Variants in ITPR2 observed in about 807,000 individuals in gnomAD.
The protein encoded by ITPR2 is inositol 1,4,5-trisphosphate receptor type 2, also known as inositol 1,4,5-trisphosphate-gated calcium channel ITPR2.
Under a neutral mutation model 317.1 loss-of-function variants are expected in ITPR2, and 207 were observed. The ratio of observed to expected loss-of-function variants is 0.65; its 90% CI spans 0.58 to 0.73. The LOEUF (loss-of-function observed/expected upper bound fraction) is 0.73, where lower values mean the gene tolerates loss of function less well. ITPR2 is among the 30% of genes least tolerant of loss of function. The pLI, the probability that ITPR2 is intolerant of heterozygous loss-of-function variation, is 0.00. For synonymous variants in ITPR2, 1,156 were observed against 1,149.1 expected (o/e 1.01, Z -0.12); for missense variants, 2,613 against 3,284.0 (o/e 0.80, Z 4.99).
intron 55 of ITPR2, among the ~76,000 whole-genome samples, chr12:26,347,805 G>A (rs1994484): frequency 0.3 from 45,611 of 152,146 alleles, 7,848 homozygotes; most frequent in East Asian, 0.58. Context: ...ATGGTATCAC[G>A]GATGCAAGTG....
chr12:26,570,721 G>A (rs1169987851), intron 34 of ITPR2, among the ~76,000 whole-genome samples: 1 of 152,104 alleles, frequency 6.6e-6, no homozygotes, highest in Non-Finnish European at 1.5e-5. Flanking sequence ...TTTTTTAAGA[G>A]GAATAATATG....
At chr12:26,734,870 C>T (rs1454764715) in intron 2 of ITPR2, among the ~76,000 whole-genome samples, 1 of 152,072 alleles carries the variant, frequency 6.6e-6, no homozygotes, top group Non-Finnish European at 1.5e-5. Context: ...TATTTATACT[C>T]CAATAAGACT....
intron 2 of ITPR2, among the ~76,000 whole-genome samples, chr12:26,784,703 T>C (rs1236914261): frequency 1.3e-4 from 19 of 151,078 alleles, no homozygotes; most frequent in Non-Finnish European, 4.4e-5. Context: ...AGCCTCCACC[T>C]CCCAACCGCC....
intron 25 of ITPR2, 113 bp downstream of exon 25, chr12:26,622,127 C>T (rs1361198704): frequency 3.4e-6 from 3 of 872,026 alleles, no homozygotes; most frequent in Non-Finnish European, 5.0e-6. Flanking sequence ...TAGAAAGTGT[C>T]TCCAGGAAAA....
intron 37 of ITPR2, among the ~76,000 whole-genome samples, chr12:26,549,250 T>C (rs1944464541): frequency 1.3e-5 from 2 of 152,214 alleles, no homozygotes; most frequent in African/African-American, 4.8e-5. Context: ...GTTTTCCAAA[T>C]ATAATTTAAG....
chr12:26,559,511 A>T (rs1010072331), intron 35 of ITPR2, among the ~76,000 whole-genome samples: 24 of 152,152 alleles, frequency 1.6e-4, no homozygotes, highest in South Asian at 2.1e-4. Flanking sequence ...GGCCTATTTT[A>T]TAGGGACTCT....
At chr12:26,753,983 T>A (rs1267671982) in intron 2 of ITPR2, among the ~76,000 whole-genome samples, 1 of 152,204 alleles carries the variant, frequency 6.6e-6, no homozygotes, top group African/African-American at 2.4e-5. Flanking sequence ...GATAAGTCCT[T>A]TATCTTCTTC....
intron 32 of ITPR2, among the ~76,000 whole-genome samples, chr12:26,582,835 C>T (rs1945436320): frequency 6.6e-6 from 1 of 152,158 alleles, no homozygotes; most frequent in Admixed American, 6.6e-5. Context: ...CACCAAATAG[C>T]TTTTGCTTTG....
At chr12:26,630,845 G>A (rs182896284) in intron 22 of ITPR2, 1 of 152,196 alleles carries the variant, frequency 6.6e-6, no homozygotes, top group Admixed American at 6.5e-5. Flanking sequence ...TAGGTCCATG[G>A]GTCAGGTGAT....
At chr12:26,729,513 C>A (rs948109841) in intron 2 of ITPR2, among the ~76,000 whole-genome samples, 1 of 152,076 alleles carries the variant, frequency 6.6e-6, no homozygotes, top group Non-Finnish European at 1.5e-5. Flanking sequence ...CATACATTCA[C>A]TGCAGCACCA....
chr12:26,714,254 C>A (rs1344553883), intron 8 of ITPR2, among the ~76,000 whole-genome samples: 3 of 152,116 alleles, frequency 2.0e-5, no homozygotes, highest in Non-Finnish European at 4.4e-5. Flanking sequence ...GGTTATCTCT[C>A]CGTTTTTCAG....
chr12:26,824,609 G>A (rs141694986), intron 1 of ITPR2, among the ~76,000 whole-genome samples: 171 of 152,188 alleles, frequency 1.1e-3, no homozygotes, highest in African/African-American at 3.3e-3. Flanking sequence ...ACAGTAATAA[G>A]AAATTGAAGA....
At chr12:26,822,448 G>A (rs189054646) in intron 1 of ITPR2, among the ~76,000 whole-genome samples, 63 of 152,216 alleles carry the variant, frequency 4.1e-4, no homozygotes, top group Non-Finnish European at 7.1e-4. Flanking sequence ...TGGGAGACTC[G>A]TGTATGTGTG....
chr12:26,469,047 C>A (rs1942239937), intron 45 of ITPR2, among the ~76,000 whole-genome samples: 1 of 152,204 alleles, frequency 6.6e-6, no homozygotes, highest in South Asian at 2.1e-4. Flanking sequence ...AATGTCACCT[C>A]TTCCAAGAAG....
intron 1 of ITPR2, among the ~76,000 whole-genome samples, chr12:26,794,512 T>A (rs532749920): frequency 6.6e-6 from 1 of 152,290 alleles, no homozygotes; most frequent in African/African-American, 2.4e-5. Context: ...CTGAAATCCA[T>A]CCTTTGAACA....
At chr12:26,553,072 C>T (rs1446607688) in intron 36 of ITPR2, among the ~76,000 whole-genome samples, 1 of 152,190 alleles carries the variant, frequency 6.6e-6, no homozygotes, top group African/African-American at 2.4e-5. Context: ...TAAACTCACA[C>T]AAATGTCACC....
At chr12:26,590,880 G>A (rs1405283939) in intron 32 of ITPR2, among the ~76,000 whole-genome samples, 1 of 152,080 alleles carries the variant, frequency 6.6e-6, no homozygotes, top group African/African-American at 2.4e-5. Context: ...AGGAGTTCAA[G>A]ACCAGCCTGG....
chr12:26,671,352 C>T (rs1369994681), intron 13 of ITPR2, among the ~76,000 whole-genome samples: 1 of 152,208 alleles, frequency 6.6e-6, no homozygotes, highest in Non-Finnish European at 1.5e-5. Context: ...GCAGATCTCT[C>T]AGCAGAAACT....
intron 55 of ITPR2, among the ~76,000 whole-genome samples, chr12:26,382,785 C>A (rs1027928801): frequency 2.0e-5 from 3 of 152,120 alleles, no homozygotes; most frequent in Admixed American, 6.6e-5. Context: ...GTGTTTCCTG[C>A]GATTCTAACC....
Sources: gnomAD v4.1 joint callset for allele counts (sites outside exome capture counted in the v4.1 genomes callset) on GRCh38, gnomAD v4.1.1 for gene constraint, MANE v1.5 for transcripts, NCBI Gene and HGNC (gene_info 2026-07-23, HGNC 2026-07-21) for gene names.